CNTN4: variants seen among roughly 807,000 people sequenced by gnomAD.
CNTN4 encodes contactin 4.
CNTN4 carries 77 observed loss-of-function variants against 122.5 expected under a neutral mutation model. The ratio of observed to expected loss-of-function variants is 0.63; its 90% CI spans 0.52 to 0.76. The LOEUF is 0.76. CNTN4 is among the 30% of genes least tolerant of loss of function. CNTN4 has a pLI of 0.00. For missense variants in CNTN4, 1,256 were observed against 1,259.1 expected (o/e 1.00, Z 0.04); for synonymous variants, 512 against 447.0 (o/e 1.15, Z -1.83).
chr3:2,318,711 C>G (rs1346449776), intron 2 of CNTN4, among the ~76,000 whole-genome samples: 1 of 152,174 alleles, frequency 6.6e-6, no homozygotes, highest in Non-Finnish European at 1.5e-5. Context: ...TGCAGTGGAG[C>G]TCACTCCACC....
At chr3:2,797,889 A>T (rs1429085653) in intron 6 of CNTN4, among the ~76,000 whole-genome samples, 1 of 145,418 alleles carries the variant, frequency 6.9e-6, no homozygotes, top group African/African-American at 2.5e-5. Flanking sequence ...TTGTGCAGAT[A>T]CCTTACTACT....
intron 14 of CNTN4, among the ~76,000 whole-genome samples, chr3:3,018,011 A>G (rs1179857064): frequency 1.3e-5 from 2 of 152,226 alleles, no homozygotes; most frequent in African/African-American, 4.8e-5. Context: ...TCTGAAAAGT[A>G]ACTCAGGAGG....
intron 3 of CNTN4, among the ~76,000 whole-genome samples, chr3:2,407,575 G>C (rs1292147035): frequency 6.6e-6 from 1 of 152,144 alleles, no homozygotes; most frequent in Non-Finnish European, 1.5e-5. Flanking sequence ...TGTTGTGTCT[G>C]TATTTTTGCA....
chr3:2,625,743 C>G (rs1212292870), intron 4 of CNTN4, among the ~76,000 whole-genome samples: 2 of 152,052 alleles, frequency 1.3e-5, no homozygotes, highest in African/African-American at 4.8e-5. Context: ...CTATTGATAT[C>G]CTCTCTTTTT....
At chr3:2,912,868 A>G (rs1260698098) in intron 12 of CNTN4, among the ~76,000 whole-genome samples, 2 of 152,196 alleles carry the variant, frequency 1.3e-5, no homozygotes, top group African/African-American at 4.8e-5. Context: ...AAGGAAACAC[A>G]AGGCTGGGTG....
intron 6 of CNTN4, among the ~76,000 whole-genome samples, chr3:2,802,305 G>T (rs924790257): frequency 1.3e-5 from 2 of 152,166 alleles, no homozygotes; most frequent in African/African-American, 4.8e-5. Context: ...TATTTTCCCA[G>T]CTGAGGTTGA....
At chr3:2,308,366 G>A (rs1028213760) in intron 2 of CNTN4, among the ~76,000 whole-genome samples, 4 of 151,582 alleles carry the variant, frequency 2.6e-5, no homozygotes, top group Non-Finnish European at 5.9e-5. Context: ...TTGTTCCATT[G>A]ATTTTTTTCT....
chr3:2,897,690 T>C (rs1041947588), intron 10 of CNTN4, among the ~76,000 whole-genome samples: 1 of 152,216 alleles, frequency 6.6e-6, no homozygotes, highest in African/African-American at 2.4e-5. Context: ...TTTAATATTT[T>C]GCATAATTTA....
chr3:2,140,526 A>G (rs940557782), intron 2 of CNTN4, among the ~76,000 whole-genome samples: 3 of 152,122 alleles, frequency 2.0e-5, no homozygotes, highest in Admixed American at 1.3e-4. Flanking sequence ...CCTTCTTGCT[A>G]TGTTCTCACA....
chr3:2,351,866 A>T (rs376607066), intron 3 of CNTN4, among the ~76,000 whole-genome samples: 29 of 152,098 alleles, frequency 1.9e-4, no homozygotes, highest in Non-Finnish European at 3.5e-4. Context: ...ACAAAGTTTC[A>T]TGTATAGACA....
At chr3:3,037,517 G>C in intron 18 of CNTN4, 189 bp downstream of exon 18, 1 of 756,508 alleles carries the variant, frequency 1.3e-6, no homozygotes, top group Non-Finnish European at 2.2e-6. Context: ...TTTCAATCAA[G>C]AGTTGTTTTC....
intron 4 of CNTN4, among the ~76,000 whole-genome samples, chr3:2,585,939 A>C (rs1444724059): frequency 6.6e-6 from 1 of 152,130 alleles, no homozygotes; most frequent in Non-Finnish European, 1.5e-5. Context: ...TGTAACTAGA[A>C]CCATGTGACT....
chr3:2,591,248 A>T (rs1482785249), intron 4 of CNTN4, among the ~76,000 whole-genome samples: 1 of 151,964 alleles, frequency 6.6e-6, no homozygotes, highest in Non-Finnish European at 1.5e-5. Context: ...ATATATGAAT[A>T]ATTGTTTGTA....
At chr3:2,978,629 C>G (rs1190187323) in intron 13 of CNTN4, among the ~76,000 whole-genome samples, 1 of 152,188 alleles carries the variant, frequency 6.6e-6, no homozygotes, top group Non-Finnish European at 1.5e-5. Context: ...TCATCTGTGG[C>G]TGTGAAGTTC....
intron 4 of CNTN4, among the ~76,000 whole-genome samples, chr3:2,718,335 AATATTT>A (rs912003513): frequency 5.3e-5 from 8 of 152,234 alleles, no homozygotes; most frequent in Non-Finnish European, 1.0e-4. Context: ...TTATCTATGG[AATATTT>A]ATAAATATCT....
chr3:2,324,863 C>A (rs887857793), intron 2 of CNTN4, among the ~76,000 whole-genome samples: 4 of 152,074 alleles, frequency 2.6e-5, no homozygotes, highest in African/African-American at 9.7e-5. Flanking sequence ...GTGCTCCCCC[C>A]ACCTCAAAAG....
At position 2,843,094 on chromosome 3, in the gene CNTN4, G is replaced by A. The variant is rs115096910; in HGVS notation, c.454+23513G>A. Among the ~76,000 whole-genome samples, 701 of 152,092 alleles carry A rather than the reference G, an allele frequency of 4.6e-3. 7 individuals are homozygous for A. Among genetic ancestry groups the A allele is most frequent in the African/African-American group, 0.016 (666 of 41,466 alleles). On this transcript the variant is annotated intron_variant, in intron 7 of 24. Coordinates refer to ENST00000418658, the MANE Select transcript of CNTN4 (RefSeq NM_175607.3). ...ATCCATTTCCTGCTCATCTTCTCACGTGGTTGTCCAGTAGGCATCTCAAAG... is the reference window on the plus strand; with the variant it reads ...ATCCATTTCCTGCTCATCTTCTCACATGGTTGTCCAGTAGGCATCTCAAAG...
At chr3:2,289,199 A>C (rs1375112632) in intron 2 of CNTN4, among the ~76,000 whole-genome samples, 2 of 152,220 alleles carry the variant, frequency 1.3e-5, no homozygotes, top group African/African-American at 2.4e-5. Context: ...GAAATATTTT[A>C]GATGATTTCT....
intron 4 of CNTN4, among the ~76,000 whole-genome samples, chr3:2,671,332 C>G (rs1364059012): frequency 6.6e-6 from 1 of 152,150 alleles, no homozygotes; most frequent in African/African-American, 2.4e-5. Context: ...CACTTCATTT[C>G]ACTCATTTGA....
Sources: gnomAD v4.1 joint callset for allele counts (sites outside exome capture counted in the v4.1 genomes callset) on GRCh38, gnomAD v4.1.1 for gene constraint, MANE v1.5 for transcripts, NCBI Gene and HGNC (gene_info 2026-07-23, HGNC 2026-07-21) for gene names.